The following E2F6 variants were observed in gnomAD, a reference collection of about 807,000 sequenced individuals.
E2F6 encodes the protein transcription factor E2F6.
Under a neutral mutation model 31.5 loss-of-function variants are expected in E2F6, and 19 were observed. That is an observed-to-expected ratio of 0.60 (90% CI 0.42 to 0.89). The LOEUF (loss-of-function observed/expected upper bound fraction) is 0.89. E2F6 is among the 40% of genes least tolerant of loss of function. E2F6 has a pLI of 0.00. For missense variants in E2F6, 269 were observed against 341.6 expected (o/e 0.79, Z 1.67); for synonymous variants, 121 against 127.7 (o/e 0.95, Z 0.36).
intron 3 of E2F6, among the ~76,000 whole-genome samples, chr2:11,452,133 A>G (rs1384883072): frequency 6.6e-6 from 1 of 152,224 alleles, no homozygotes; most frequent in African/African-American, 2.4e-5. Context: ...CCTCAGTCCT[A>G]GTACTTACAA....
At chr2:11,461,788 T>C (rs973582967) in intron 1 of E2F6, among the ~76,000 whole-genome samples, 2 of 152,246 alleles carry the variant, frequency 1.3e-5, no homozygotes, top group African/African-American at 4.8e-5. Context: ...AGGTCATTTA[T>C]GTGGAACTCC....
In E2F6 at chr2:11,457,195, T is replaced by C. The variant is rs1572505258; in HGVS notation, c.147A>G (p.Gln49=). The C allele has an allele frequency of 5.7e-6, 9 of 1,566,718 alleles. No homozygotes were observed. The highest frequency in any genetic ancestry group is 1.1e-5 in the South Asian group (1 of 89,334). The part of the protein sequence containing the change: ...KIRINLEDNV[Q]YVSMRKALKV... ...TCAACTTACTTCTCATGGACACATA[T>C]TGTACATTATCTTCTAAATTAATCC... The change falls in exon 2 of 7, where the codon CAA becomes CAG. Residue 49 remains glutamine, a synonymous_variant. Coordinates refer to ENST00000381525, the MANE Select transcript of E2F6 (RefSeq NM_198256.4).
At chr2:11,464,206 G>C (rs1275780019) in intron 1 of E2F6, among the ~76,000 whole-genome samples, 5 of 152,034 alleles carry the variant, frequency 3.3e-5, no homozygotes, top group Non-Finnish European at 5.9e-5. Context: ...CTGGTAATAA[G>C]AGGCCATCAA....
In E2F6 at chr2:11,451,196, A is replaced by G. The variant is rs564894009; in HGVS notation, c.536+455T>C. On this transcript the variant is annotated intron_variant, in intron 4 of 6. Coordinates refer to ENST00000381525, the MANE Select transcript of E2F6 (RefSeq NM_198256.4). ...TAGTATTCAGACTATAAAAATGAAT[A>G]CTCACCATTTTAAGTGGTACCATCA... is the stretch of plus-strand genomic sequence containing the variant. The G allele has an allele frequency of 2.6e-5, 4 of 152,660 alleles. No individual in the cohort carries two copies. In the South Asian group the frequency reaches 8.3e-4, roughly 32 times the overall value. 9.5% of individuals were successfully genotyped at this position (152,660 alleles called of 1,614,324 possible).
intron 3 of E2F6, among the ~76,000 whole-genome samples, chr2:11,452,145 G>A (rs1463406082): frequency 1.3e-5 from 2 of 152,110 alleles, no homozygotes; most frequent in Non-Finnish European, 2.9e-5. Flanking sequence ...TACTTACAAC[G>A]CAGCTTCTGA....
rs982937734 is a variant in E2F6, at chr2:11,446,001, G to C, written c.*476C>G. 2 of 153,254 alleles carry C rather than the reference G, an allele frequency of 1.3e-5. No homozygotes were observed. Among genetic ancestry groups the C allele is most frequent in the African/African-American group, 4.8e-5 (2 of 41,410 alleles). The allele number at this position is 153,254 out of a possible 1,614,324, so 9.5% of individuals were successfully genotyped here. On this transcript the variant is annotated 3_prime_UTR_variant, in exon 7 of 7. Coordinates refer to ENST00000381525, the MANE Select transcript of E2F6 (RefSeq NM_198256.4). ...GAAAAGTGTCACTCAGACATATTTC[G>C]TAAGTAATCTCAACATTATACAGAT...
chr2:11,464,285 C>T (rs1261049067), intron 1 of E2F6, among the ~76,000 whole-genome samples: 3 of 151,756 alleles, frequency 2.0e-5, no homozygotes, highest in Admixed American at 2.0e-4. Context: ...GAGGCTGAGG[C>T]GGGTGGATCA....
intron 5 of E2F6, among the ~76,000 whole-genome samples, chr2:11,448,616 C>G (rs1670869126): frequency 2.0e-5 from 3 of 152,166 alleles, no homozygotes; most frequent in African/African-American, 7.2e-5. Context: ...TAGAGAACAT[C>G]TGTGCTCAGC....
intron 2 of E2F6, 151 bp downstream of exon 2, chr2:11,457,028 A>T (rs955238245): frequency 4.6e-5 from 29 of 630,170 alleles, no homozygotes; most frequent in East Asian, 1.7e-4. Context: ...TAACCTCAGG[A>T]GTTGTTACTA....
In E2F6 at chr2:11,463,948, C is replaced by CGGGGGGGGGG. The variant is rs143314262; in HGVS notation, c.108+1814_108+1823dup. Among the ~76,000 whole-genome samples the CGGGGGGGGGG allele has an allele frequency of 4.5e-4, 32 of 71,598 alleles. 5 individuals carry two copies. Among genetic ancestry groups the CGGGGGGGGGG allele is most frequent in the African/African-American group, 7.3e-4 (15 of 20,472 alleles). 47.0% of individuals were successfully genotyped at this position (71,598 alleles called of 152,430 possible). A position where few individuals can be genotyped will look rare whatever the true frequency, so the allele number is the denominator to read the frequency against. Reference sequence around the variant, plus strand: ...AGGGTGACAGAGTGAGATCCTGCACCGGGGGGGGGGACAAAAACAAAAACA... The same window carrying CGGGGGGGGGG: ...AGGGTGACAGAGTGAGATCCTGCACCGGGGGGGGGGGGGGGGGGGGACAAAAACAAAAACA... On this transcript the variant is annotated intron_variant, in intron 1 of 6. Coordinates refer to ENST00000381525, the MANE Select transcript of E2F6 (RefSeq NM_198256.4).
rs1004924139 is a variant in E2F6, at chr2:11,445,148, G to A, written c.*1329C>T. On this transcript the variant is annotated 3_prime_UTR_variant, in exon 7 of 7. Coordinates refer to ENST00000381525, the MANE Select transcript of E2F6 (RefSeq NM_198256.4). The stretch of plus-strand genomic sequence containing the variant: ...TTTTAATACTTTGATTTTGGATTCC[G>A]ATTTTAAATCTTTTTAAACACAGTC... 21 of 152,290 alleles carry A rather than the reference G, an allele frequency of 1.4e-4. No homozygotes were observed. The highest frequency in any genetic ancestry group is 5.1e-4 in the African/African-American group (21 of 41,566). The allele number at this position is 152,290 out of a possible 1,614,324, so 9.4% of individuals were successfully genotyped here.
chr2:11,447,595 T>A, intron 6 of E2F6, 32 bp downstream of exon 6: 1 of 1,604,998 alleles, frequency 6.2e-7, no homozygotes, highest in Non-Finnish European at 8.5e-7. Flanking sequence ...CATGCTTAAT[T>A]AAAATACTGT....
chr2:11,451,770 T>C lies in E2F6; in HGVS notation c.417A>G (p.Gln139=). 1.2e-6 allele frequency: 2 copies of C among 1,609,122 alleles called. No homozygotes were observed. The highest frequency in any genetic ancestry group is 1.7e-6 in the Non-Finnish European group (2 of 1,176,988). The change falls in exon 4 of 7, where the codon CAA becomes CAG. Residue 139 remains glutamine (Q), a synonymous_variant. Coordinates refer to ENST00000381525, the MANE Select transcript of E2F6 (RefSeq NM_198256.4). The stretch of plus-strand genomic sequence containing the variant: ...AAAGTTCCTCCTGTAGCTTCTTTTG[T>C]TGGGGAACTGCTCCAAAATTGCTAA... ...SDLSNFGAVP[Q]QKKLQEELSD... is the part of the protein sequence containing the mutation.
At chr2:11,463,987 A>G (rs1000776472) in intron 1 of E2F6, among the ~76,000 whole-genome samples, 2 of 150,860 alleles carry the variant, frequency 1.3e-5, no homozygotes, top group African/African-American at 4.9e-5. Flanking sequence ...AAACAAATCA[A>G]CATGAAGGAA....
chr2:11,446,848 T>A (rs1020023552), intron 6 of E2F6, among the ~76,000 whole-genome samples: 1 of 152,224 alleles, frequency 6.6e-6, no homozygotes, highest in Non-Finnish European at 1.5e-5. Flanking sequence ...GTTGTCTGCA[T>A]GTGGGCAACA....
intron 2 of E2F6, among the ~76,000 whole-genome samples, chr2:11,454,354 T>C (rs552285073): frequency 9.7e-5 from 14 of 145,076 alleles, no homozygotes; most frequent in East Asian, 5.9e-4. Context: ...ATCTCTCTCT[T>C]TTTTTTTTTT....
intron 6 of E2F6, among the ~76,000 whole-genome samples, chr2:11,447,398 G>A (rs1285620514): frequency 6.6e-6 from 1 of 152,106 alleles, no homozygotes; most frequent in African/African-American, 2.4e-5. Flanking sequence ...TCGCAAGTTG[G>A]TATCACCATG....
chr2:11,455,714 A>C (rs1226010309), intron 2 of E2F6, among the ~76,000 whole-genome samples: 1 of 152,210 alleles, frequency 6.6e-6, no homozygotes, highest in African/African-American at 2.4e-5. Flanking sequence ...ACAGTTGCTG[A>C]GGGGATATGA....
In E2F6 at chr2:11,453,918, A is replaced by C; in HGVS notation, c.164-120T>G. 3.6e-6 allele frequency: 3 copies of C among 836,598 alleles called. No homozygotes were observed. In the South Asian group the frequency reaches 5.5e-5, roughly 15 times the overall value. The allele number at this position is 836,598 out of a possible 1,614,324, so 51.8% of individuals were successfully genotyped here. A position where few individuals can be genotyped will look rare whatever the true frequency, so the allele number is the denominator to read the frequency against. ...CATCTACAGAAATGCCTACACATTG[A>C]CCAAATCAAAGCTGGTTTCTATGAA... is the stretch of plus-strand genomic sequence containing the variant. On this transcript the variant is annotated intron_variant, in intron 2 of 6. Transcript: ENST00000381525.
Sources: gnomAD v4.1 joint callset for allele counts (sites outside exome capture counted in the v4.1 genomes callset) on GRCh38, gnomAD v4.1.1 for gene constraint, MANE v1.5 for transcripts, NCBI Gene and HGNC (gene_info 2026-07-23, HGNC 2026-07-21) for gene names.